Variants in PDPR observed in about 807,000 individuals in gnomAD.
PDPR encodes pyruvate dehydrogenase phosphatase regulatory subunit, mitochondrial.
A neutral mutation model predicts 102.2 loss-of-function variants in PDPR; 50 were observed. The ratio of observed to expected loss-of-function variants is 0.49; its 90% CI spans 0.39 to 0.62. PDPR has a LOEUF of 0.62. Ranked by LOEUF, PDPR falls within the 20% of genes least tolerant of loss-of-function variation. The pLI is 0.00. For synonymous variants in PDPR, 259 were observed against 406.0 expected, an observed-to-expected ratio of 0.64 and a Z score of 4.35; for missense variants, 625 against 1,098.2, an observed-to-expected ratio of 0.57 and a Z score of 6.09.
intron 17 of PDPR, among the ~76,000 whole-genome samples, chr16:70,149,634 T>A (rs1333587521): frequency 6.6e-6 from 1 of 152,278 alleles, no homozygotes; most frequent in Non-Finnish European, 1.5e-5. Context: ...CCTTGTTCTT[T>A]TTTTCTTTAT....
chr16:70,156,904 TC>T lies in PDPR; in HGVS notation c.*29del. ...ATGCCACCAGGGCAGCCTCACCTCCTCCCCATCATCTTGTCCTAGAGTGGGC... is the reference window on the plus strand; with the variant it reads ...ATGCCACCAGGGCAGCCTCACCTCCTCCCATCATCTTGTCCTAGAGTGGGC... On this transcript the variant is annotated 3_prime_UTR_variant, in exon 19 of 19. Transcript: ENST00000288050. The T allele has an allele frequency of 6.2e-7, 1 of 1,607,748 alleles. No homozygotes were observed. The highest frequency in any genetic ancestry group is 1.3e-5 in the African/African-American group (1 of 74,904).
intron 9 of PDPR, among the ~76,000 whole-genome samples, chr16:70,134,841 A>G (rs1161946061): frequency 3.5e-4 from 54 of 152,180 alleles, no homozygotes; most frequent in African/African-American, 1.1e-3. Context: ...ATTTAAAAAG[A>G]TGAAAGAGTC....
Position 70,133,815 on chromosome 16 carries a change from C to T in PDPR, c.997+1515C>T, listed in dbSNP as rs1291643459. Among the ~76,000 whole-genome samples, 3 of 152,120 alleles carry T rather than the reference C, an allele frequency of 2.0e-5. 1 individual carries two copies. Among genetic ancestry groups the T allele is most frequent in the Non-Finnish European group, 2.9e-5 (2 of 68,046 alleles). The stretch of plus-strand genomic sequence containing the variant: ...ATGGTGCGATCTCGGCTCACCGCAA[C>T]GTCTGCCTCCCGGGTTCAAGTGATT... On this transcript the variant is annotated intron_variant, in intron 9 of 18. Coordinates refer to ENST00000288050, the MANE Select transcript of PDPR (RefSeq NM_017990.5).
intron 6 of PDPR, among the ~76,000 whole-genome samples, chr16:70,129,833 G>C (rs868647083): frequency 4.6e-5 from 7 of 152,268 alleles, no homozygotes; most frequent in Admixed American, 6.5e-5. Context: ...AGCACTTAAG[G>C]CGCACTATTT....
intron 18 of PDPR, chr16:70,156,271 A>G: frequency 1.6e-6 from 1 of 636,524 alleles, no homozygotes. Context: ...CTGTTGTTAC[A>G]AAAATTACCG....
rs922991688 is a variant in PDPR, at chr16:70,158,439, T to G, written c.*1560T>G. The G allele has an allele frequency of 2.0e-5, 3 of 153,296 alleles. No homozygotes were observed. The highest frequency in any genetic ancestry group is 7.2e-5 in the African/African-American group (3 of 41,500). 9.5% of individuals were successfully genotyped at this position (153,296 alleles called of 1,614,324 possible). A position where few individuals can be genotyped will look rare whatever the true frequency, so the allele number is the denominator to read the frequency against. Reference sequence around the variant, plus strand: ...ATTAGAGCAGCTTAAAATGCTCAGGTGTCTGCCTTCTCTGGTGTTTCTTTG... The same window carrying G: ...ATTAGAGCAGCTTAAAATGCTCAGGGGTCTGCCTTCTCTGGTGTTTCTTTG... On this transcript the variant is annotated 3_prime_UTR_variant, in exon 19 of 19. Transcript: ENST00000288050.
At chr16:70,147,432 T>G in intron 16 of PDPR, 2 of 373,268 alleles carry the variant, frequency 5.4e-6, no homozygotes, top group South Asian at 4.0e-5. Flanking sequence ...CTCCATGCAG[T>G]GTGGCCTCTT....
At position 70,161,363 on chromosome 16, in the gene PDPR, T is replaced by G. The variant is rs1967775034; in HGVS notation, c.*4484T>G. 6.5e-6 allele frequency: 1 copy of G among 153,818 alleles called. No homozygotes were observed. Among genetic ancestry groups the G allele is most frequent in the Non-Finnish European group, 1.4e-5 (1 of 69,374 alleles). The allele number at this position is 153,818 out of a possible 1,614,324, so 9.5% of individuals were successfully genotyped here. A position where few individuals can be genotyped will look rare whatever the true frequency, so the allele number is the denominator to read the frequency against. On this transcript the variant is annotated 3_prime_UTR_variant, in exon 19 of 19. Coordinates refer to ENST00000288050, the MANE Select transcript of PDPR (RefSeq NM_017990.5). ...AATAAGAACCTCCTGCCATTCTAAT[T>G]TTCCTGCTGCACCCCATCCCCCACA...
chr16:70,118,956 T>G (rs1482494150), intron 2 of PDPR, among the ~76,000 whole-genome samples: 5 of 152,262 alleles, frequency 3.3e-5, no homozygotes, highest in Admixed American at 3.3e-4. Flanking sequence ...GTGCTGACTG[T>G]GGAGCATCTG....
chr16:70,156,135 A>T (rs1597387437), intron 18 of PDPR, among the ~76,000 whole-genome samples: 1 of 152,280 alleles, frequency 6.6e-6, no homozygotes, highest in South Asian at 2.1e-4. Context: ...CAATATAAAA[A>T]CATTTTTCTA....
At chr16:70,154,220 C>T (rs9922427) in intron 18 of PDPR, among the ~76,000 whole-genome samples, 3 of 152,032 alleles carry the variant, frequency 2.0e-5, no homozygotes, top group Non-Finnish European at 4.4e-5. Flanking sequence ...TCCAGCTACT[C>T]GGGAGGCTGA....
intron 11 of PDPR, among the ~76,000 whole-genome samples, chr16:70,140,835 T>A (rs2152101121): frequency 6.6e-6 from 1 of 151,806 alleles, no homozygotes; most frequent in African/African-American, 2.4e-5. Flanking sequence ...AAAAAAAAAA[T>A]AGAAAAGAAA....
rs550635918 is a variant in PDPR, at chr16:70,135,865, C to G, written c.998-329C>G. Among the ~76,000 whole-genome samples, 13 of 152,324 alleles carry G rather than the reference C, an allele frequency of 8.5e-5. No individual in the cohort carries two copies. The East Asian group carries it at 2.3e-3, about 27-fold the overall frequency. Reference sequence around the variant, plus strand: ...GGCAGATCACTTGAGGTCAAGAGTTCGAAACTAGTGTGGCCATCATGGTGA... The same window carrying G: ...GGCAGATCACTTGAGGTCAAGAGTTGGAAACTAGTGTGGCCATCATGGTGA... On this transcript the variant is annotated intron_variant, in intron 9 of 18. Coordinates refer to ENST00000288050, the MANE Select transcript of PDPR (RefSeq NM_017990.5).
rs1351958162 is a variant in PDPR, at chr16:70,156,961, C to G, written c.*82C>G. 6.5e-7 allele frequency: 1 copy of G among 1,535,748 alleles called. No homozygotes were observed. The highest frequency in any genetic ancestry group is 8.9e-7 in the Non-Finnish European group (1 of 1,128,190). ...CTTGGAGCTTCTCTTCCTTCCGCCT[C>G]TGTTCCTCTTCTGGAGCCTTTGCCT... On this transcript the variant is annotated 3_prime_UTR_variant, in exon 19 of 19. Coordinates refer to ENST00000288050, the MANE Select transcript of PDPR (RefSeq NM_017990.5).
At position 70,133,553 on chromosome 16, in the gene PDPR, G is replaced by GATTA. The variant is rs1263710629; in HGVS notation, c.997+1254_997+1257dup. Among the ~76,000 whole-genome samples, 4 of 151,986 alleles carry GATTA rather than the reference G, an allele frequency of 2.6e-5. No homozygotes were observed. The East Asian group carries it at 5.8e-4, about 22-fold the overall frequency. ...ATGCCTCAGCCTCCTGAGTAGCTGG[G>GATTA]ATTACAGGCATGCATCAACATGTCC... is the stretch of plus-strand genomic sequence containing the variant. On this transcript the variant is annotated intron_variant, in intron 9 of 18. Transcript: ENST00000288050.
rs375085308 is a variant in PDPR, at chr16:70,153,816, G to A, written c.2235+243G>A. ...TCCCAGCACTTTGGGAGGCTGAGGC[G>A]GGTGGATCACCTGAGGTCAGGAGTT... On this transcript the variant is annotated intron_variant, in intron 18 of 18. Transcript: ENST00000288050. 4.6e-5 allele frequency among the ~76,000 whole-genome samples: 7 copies of A among 152,242 alleles called. No individual in the cohort carries two copies. The South Asian group carries it at 6.2e-4, about 14-fold the overall frequency.
At chr16:70,149,854 A>G (rs1442366029) in intron 17 of PDPR, among the ~76,000 whole-genome samples, 7 of 151,964 alleles carry the variant, frequency 4.6e-5, no homozygotes, top group East Asian at 3.9e-4. Context: ...GCAGTGGCGC[A>G]ATCTCGGCTC....
At chr16:70,153,328 A>T in intron 17 of PDPR, 63 bp from the exon 18 acceptor site, 1 of 1,518,732 alleles carries the variant, frequency 6.6e-7, no homozygotes, top group South Asian at 1.2e-5. Context: ...CAGCGCTTCC[A>T]GACATGCTCC....
intron 9 of PDPR, 119 bp from the exon 10 acceptor site, chr16:70,136,075 A>C (rs7186222): frequency 8.2e-5 from 74 of 899,954 alleles, no homozygotes; most frequent in Non-Finnish European, 9.8e-5. Flanking sequence ...TCTCAAAAAA[A>C]AAAAAAAAAA....
Sources: allele counts gnomAD v4.1 joint callset (sites outside exome capture counted in the v4.1 genomes callset), GRCh38; gene constraint gnomAD v4.1.1; transcripts MANE v1.5; gene names NCBI Gene and HGNC (gene_info 2026-07-23, HGNC 2026-07-21).